Variants in UGT8 observed in about 807,000 individuals in gnomAD.
The protein encoded by UGT8 is UDP glycosyltransferase 8.
Under a neutral mutation model 40.5 loss-of-function variants are expected in UGT8, and 12 were observed. The observed-to-expected ratio is 0.30, with a 90% CI of 0.19 to 0.48. The LOEUF is 0.48. UGT8 is among the 20% of genes least tolerant of loss of function. The probability of loss-of-function intolerance (pLI) is 0.99; values close to 1 mark genes in which losing one functional copy is unlikely to be tolerated. For synonymous variants in UGT8, 224 were observed against 240.4 expected, an observed-to-expected ratio of 0.93 and a Z score of 0.63; for missense variants, 513 against 648.7, an observed-to-expected ratio of 0.79 and a Z score of 2.27.
intron 1 of UGT8, among the ~76,000 whole-genome samples, chr4:114,611,104 G>T (rs943547894): frequency 1.3e-5 from 2 of 151,900 alleles, no homozygotes; most frequent in African/African-American, 2.4e-5. Context: ...CAATAAAAGA[G>T]AATTATGAAG....
chr4:114,617,037 G>A (rs1023923152), intron 1 of UGT8, among the ~76,000 whole-genome samples: 4 of 152,230 alleles, frequency 2.6e-5, no homozygotes, highest in South Asian at 2.1e-4. Context: ...CAGATCACAC[G>A]GTCAGGAGTT....
chr4:114,663,126 A>T (rs927076373), intron 2 of UGT8, among the ~76,000 whole-genome samples: 1 of 151,938 alleles, frequency 6.6e-6, no homozygotes, highest in African/African-American at 2.4e-5. Context: ...CCTGGCCGTG[A>T]TGATACTTCT....
At chr4:114,640,626 GT>G (rs1733164543) in intron 2 of UGT8, among the ~76,000 whole-genome samples, 1 of 152,102 alleles carries the variant, frequency 6.6e-6, no homozygotes, top group South Asian at 2.1e-4. Flanking sequence ...AAGGAAAGTG[GT>G]TTAATGGAGA....
chr4:114,600,885 A>G (rs1200104841), intron 1 of UGT8, among the ~76,000 whole-genome samples: 2 of 152,218 alleles, frequency 1.3e-5, no homozygotes, highest in Non-Finnish European at 2.9e-5. Flanking sequence ...AAAACACTCT[A>G]GTATTGTATG....
intron 1 of UGT8, among the ~76,000 whole-genome samples, chr4:114,617,671 A>G (rs1360835179): frequency 6.6e-6 from 1 of 152,214 alleles, no homozygotes; most frequent in African/African-American, 2.4e-5. Flanking sequence ...GGCTACTGTT[A>G]AATGGAAGTC....
At chr4:114,603,489 A>G (rs74519425) in intron 1 of UGT8, among the ~76,000 whole-genome samples, 3,162 of 152,248 alleles carry the variant, frequency 0.021, 55 homozygotes, top group Non-Finnish European at 0.031. Context: ...GGGTAGAGAA[A>G]TAGGAAGCAA....
chr4:114,621,363 C>G (rs575061134), intron 1 of UGT8, among the ~76,000 whole-genome samples: 78 of 152,212 alleles, frequency 5.1e-4, no homozygotes, highest in South Asian at 1.0e-3. Context: ...AATGCATCAG[C>G]AAATTGACAT....
At chr4:114,652,433 G>C (rs1416853667) in intron 2 of UGT8, among the ~76,000 whole-genome samples, 1 of 151,414 alleles carries the variant, frequency 6.6e-6, no homozygotes, top group East Asian at 1.9e-4. Flanking sequence ...TAGAGAACTT[G>C]AGCATTGGCA....
chr4:114,633,925 C>G (rs762579103), intron 2 of UGT8, among the ~76,000 whole-genome samples: 1 of 150,600 alleles, frequency 6.6e-6, no homozygotes, highest in Non-Finnish European at 1.5e-5. Context: ...GCCTGGAGGA[C>G]AGAGTGAGAC....
intron 3 of UGT8, among the ~76,000 whole-genome samples, chr4:114,664,762 A>C (rs1371370347): frequency 6.6e-6 from 1 of 152,138 alleles, no homozygotes; most frequent in Non-Finnish European, 1.5e-5. Flanking sequence ...AGACGTGAAC[A>C]CTTTATTTAG....
intron 1 of UGT8, among the ~76,000 whole-genome samples, chr4:114,619,822 G>A (rs1038452257): frequency 6.6e-6 from 1 of 151,802 alleles, no homozygotes; most frequent in Non-Finnish European, 1.5e-5. Flanking sequence ...TATTATGTAT[G>A]TTGCAGGTTG....
In UGT8 at chr4:114,664,062, T is replaced by C. The variant is rs1467448681; in HGVS notation, c.890T>C (p.Val297Ala). The change falls in exon 3 of 6, where the codon GTC (valine) becomes GCC (alanine). Residue 297 changes from valine to alanine, a missense_variant. This residue lies in a region of UGT8 where 335 missense variants were observed against 444.8 expected (regional missense o/e 0.75). Transcript: ENST00000310836. ...GTCTTGGTGTCTTTTGGAGCTGGTG[T>C]CAAGTATCTGTCAGAAGACATTGCT... ...GFVLVSFGAG[V>A]KYLSEDIANK... 1 of 1,614,140 alleles carries C rather than the reference T, an allele frequency of 6.2e-7. No individual in the cohort carries two copies. The highest frequency in any genetic ancestry group is 1.7e-5 in the Admixed American group (1 of 60,026).
At chr4:114,641,361 C>G (rs1189252570) in intron 2 of UGT8, among the ~76,000 whole-genome samples, 1 of 152,188 alleles carries the variant, frequency 6.6e-6, no homozygotes, top group Admixed American at 6.5e-5. Context: ...CAAAGCAATA[C>G]TTGGAATTTT....
chr4:114,625,450 G>A (rs767624851), intron 2 of UGT8, among the ~76,000 whole-genome samples: 5 of 141,206 alleles, frequency 3.5e-5, no homozygotes, highest in East Asian at 2.2e-4. Flanking sequence ...GGTCGAGGCC[G>A]CAGTGAGCTG....
At chr4:114,637,625 A>G (rs1732967139) in intron 2 of UGT8, among the ~76,000 whole-genome samples, 1 of 152,206 alleles carries the variant, frequency 6.6e-6, no homozygotes, top group Non-Finnish European at 1.5e-5. Flanking sequence ...TCACAAAGAC[A>G]TTTGAGAGGC....
At chr4:114,607,176 C>G (rs1578399440) in intron 1 of UGT8, among the ~76,000 whole-genome samples, 1 of 152,120 alleles carries the variant, frequency 6.6e-6, no homozygotes, top group East Asian at 1.9e-4. Context: ...TTTTACAGCT[C>G]ATAACTTGGT....
intron 2 of UGT8, among the ~76,000 whole-genome samples, chr4:114,652,786 A>G (rs1733964542): frequency 6.6e-6 from 1 of 152,066 alleles, no homozygotes; most frequent in Non-Finnish European, 1.5e-5. Context: ...CCAAATAGCT[A>G]TGTTTGATAA....
intron 1 of UGT8, 102 bp from the exon 2 acceptor site, chr4:114,622,777 G>T (rs2126097795): frequency 9.3e-7 from 1 of 1,069,726 alleles, no homozygotes; most frequent in East Asian, 2.6e-5. Context: ...TTTAGACAAA[G>T]TATTAGATCA....
intron 2 of UGT8, among the ~76,000 whole-genome samples, chr4:114,662,911 C>T (rs1734636649): frequency 2.7e-5 from 4 of 149,898 alleles, no homozygotes; most frequent in South Asian, 2.1e-4. Context: ...TTGCAAGCTC[C>T]GCCTCCCAGG....
Sources: gnomAD v4.1 joint callset for allele counts (sites outside exome capture counted in the v4.1 genomes callset) on GRCh38, gnomAD v4.1.1 for gene constraint, gnomAD v4.1.1 regional missense constraint, MANE v1.5 for transcripts, NCBI Gene and HGNC (gene_info 2026-07-23, HGNC 2026-07-21) for gene names.